COL5A1: variants seen among roughly 807,000 people sequenced by gnomAD.
COL5A1 encodes collagen alpha-1(V) chain.
A neutral mutation model predicts 263.7 loss-of-function variants in COL5A1; 16 were observed. The ratio of observed to expected loss-of-function variants is 0.06; its 90% confidence interval spans 0.04 to 0.09. The LOEUF is 0.09. COL5A1 is among the 10% of genes least tolerant of loss of function. COL5A1 has a pLI of 1.00. For missense variants in COL5A1, 2,036 were observed against 2,540.5 expected (o/e 0.80, Z 4.27); for synonymous variants, 1,012 against 1,004.5 (o/e 1.01, Z -0.14).
At chr9:134,675,296 A>T (rs750891193) in intron 1 of COL5A1, among the ~76,000 whole-genome samples, 1 of 152,204 alleles carries the variant, frequency 6.6e-6, no homozygotes, top group African/African-American at 2.4e-5. Context: ...AGAGGTGTCA[A>T]TTTAGACTCC....
intron 9 of COL5A1, among the ~76,000 whole-genome samples, chr9:134,736,575 C>T (rs1463345107): frequency 6.6e-6 from 1 of 152,236 alleles, no homozygotes; most frequent in East Asian, 1.9e-4. Flanking sequence ...TGGGGAGACA[C>T]ATTCAAACCC....
intron 4 of COL5A1, among the ~76,000 whole-genome samples, chr9:134,723,536 G>A (rs111951317): frequency 0.012 from 1,813 of 152,332 alleles, 30 homozygotes; most frequent in African/African-American, 0.038. Context: ...CTGTGGCTCT[G>A]CAGTTGGGAC....
intron 2 of COL5A1, among the ~76,000 whole-genome samples, chr9:134,694,667 G>A (rs1833398267): frequency 6.6e-6 from 1 of 152,218 alleles, no homozygotes; most frequent in Non-Finnish European, 1.5e-5. Flanking sequence ...CTGAGCCACG[G>A]TTGCTGACCG....
In COL5A1 at chr9:134,719,299, C is replaced by T. The variant is rs564036762; in HGVS notation, c.655-7967C>T. On this transcript the variant is annotated intron_variant, in intron 4 of 65. Transcript: ENST00000371817. ...ACATGCATGTATACTGTGCACACGA[C>T]GTAGGCATGTATGTCACGCACACAC... Among the ~76,000 whole-genome samples, 6 of 152,360 alleles carry T rather than the reference C, an allele frequency of 3.9e-5. No individual in the cohort carries two copies. The South Asian group carries it at 6.2e-4, about 16-fold the overall frequency.
intron 42 of COL5A1, among the ~76,000 whole-genome samples, chr9:134,806,597 C>T (rs1233196986): frequency 6.6e-6 from 1 of 152,162 alleles, no homozygotes; most frequent in African/African-American, 2.4e-5. Context: ...TGCTGGTGTT[C>T]CCCACATGCG....
At chr9:134,809,388 G>A (rs1406844841) in intron 43 of COL5A1, 98 bp downstream of exon 43, 2 of 970,660 alleles carry the variant, frequency 2.1e-6, no homozygotes, top group Non-Finnish European at 3.2e-6. Context: ...GGCAGGTAGA[G>A]CGGCTCAGCC....
chr9:134,823,963 CGTGT>C lies in COL5A1; in HGVS notation c.4698+502_4698+505del, dbSNP rs202138014. ...TATATTGTATACGTGCATGCATGGCCGTGTGTGTGTGCATATGTATATGTGTACA... is the reference window on the plus strand; with the variant it reads ...TATATTGTATACGTGCATGCATGGCCGTGTGTGCATATGTATATGTGTACA... On this transcript the variant is annotated intron_variant, in intron 61 of 65. Transcript: ENST00000371817. 4.1e-3 allele frequency among the ~76,000 whole-genome samples: 617 copies of C among 151,606 alleles called. 7 individuals are homozygous for C. The highest frequency in any genetic ancestry group is 0.014 in the African/African-American group (595 of 41,258).
rs978691444 is a variant in COL5A1, at chr9:134,818,096, A to G, written c.4230+265A>G. Among the ~76,000 whole-genome samples, 32 of 152,294 alleles carry G rather than the reference A, an allele frequency of 2.1e-4. No homozygotes were observed. The highest frequency in any genetic ancestry group is 7.7e-4 in the African/African-American group (32 of 41,576). ...GTGGGTGCGGGATTCAGGGAGCCCAAGGCTGAGTAGTTATGTCCCCCGGAG... is the reference window on the plus strand; with the variant it reads ...GTGGGTGCGGGATTCAGGGAGCCCAGGGCTGAGTAGTTATGTCCCCCGGAG... On this transcript the variant is annotated intron_variant, in intron 54 of 65. Transcript: ENST00000371817. This position sits in a 1 kb window ranked among gnomAD's most constrained non-coding sequence, Gnocchi z 6.0.
intron 4 of COL5A1, among the ~76,000 whole-genome samples, chr9:134,726,147 G>A (rs536960657): frequency 2.4e-4 from 37 of 152,346 alleles, no homozygotes; most frequent in African/African-American, 8.7e-4. Flanking sequence ...GGGGTCTAGG[G>A]CGGGTGAGAG....
chr9:134,791,454 A>G (rs1346584889), intron 32 of COL5A1, among the ~76,000 whole-genome samples: 1 of 152,124 alleles, frequency 6.6e-6, no homozygotes, highest in Non-Finnish European at 1.5e-5. Context: ...TCGTCACTGC[A>G]GAATGAAGCC....
chr9:134,760,512 A>G (rs1836341845), intron 18 of COL5A1, among the ~76,000 whole-genome samples: 1 of 100,898 alleles, frequency 9.9e-6, no homozygotes, highest in Non-Finnish European at 1.9e-5. Flanking sequence ...ACACACGCAT[A>G]CACACCCACA....
At chr9:134,837,081 T>A (rs1028971241) in intron 65 of COL5A1, among the ~76,000 whole-genome samples, 12 of 152,314 alleles carry the variant, frequency 7.9e-5, no homozygotes, top group Middle Eastern at 3.4e-3. Context: ...GAGCTCGGAA[T>A]CGTGTCTGAC....
chr9:134,816,126 A>G, intron 52 of COL5A1, 138 bp downstream of exon 52: 1 of 814,006 alleles, frequency 1.2e-6, no homozygotes, highest in African/African-American at 1.7e-5. Flanking sequence ...TTCCCTTATG[A>G]TATTGATTCC....
At chr9:134,784,117 A>G (rs780287168) in intron 29 of COL5A1, among the ~76,000 whole-genome samples, 5 of 151,370 alleles carry the variant, frequency 3.3e-5, no homozygotes, top group Non-Finnish European at 5.9e-5. Flanking sequence ...GGCACTTTGC[A>G]CCTTCTCGGT....
intron 63 of COL5A1, among the ~76,000 whole-genome samples, chr9:134,829,408 C>T (rs1256049145): frequency 4.1e-5 from 6 of 146,646 alleles, no homozygotes; most frequent in South Asian, 2.2e-4. Context: ...AGGCTCCTCA[C>T]GCAGCCTCCG....
rs116286492 is a variant in COL5A1, at chr9:134,724,843, A to G, written c.655-2423A>G. Among the ~76,000 whole-genome samples the G allele has an allele frequency of 9.1e-3, 1,385 of 151,990 alleles. 12 individuals carry two copies. Among genetic ancestry groups the G allele is most frequent in the Middle Eastern group, 0.02 (6 of 294 alleles). On this transcript the variant is annotated intron_variant, in intron 4 of 65. Transcript: ENST00000371817. ...GGAGGTGGTGCCTCTGCTTGGATGG[A>G]GTGAAGGTTCCGATGAACCAGGCTC...
chr9:134,769,023 G>C (rs376569003), intron 25 of COL5A1, among the ~76,000 whole-genome samples: 1 of 152,184 alleles, frequency 6.6e-6, no homozygotes, highest in Non-Finnish European at 1.5e-5. Flanking sequence ...GCGTGCGTGC[G>C]TGCACACGTG....
chr9:134,656,145 C>A (rs1332492140), intron 1 of COL5A1, among the ~76,000 whole-genome samples: 1 of 152,166 alleles, frequency 6.6e-6, no homozygotes, highest in African/African-American at 2.4e-5. Flanking sequence ...CCCCACCTTG[C>A]AGCTTCAGAT....
Position 134,841,254 on chromosome 9 carries a change from G to A in COL5A1, c.5371-903G>A, listed in dbSNP as rs895209706. On this transcript the variant is annotated intron_variant, in intron 65 of 65. Transcript: ENST00000371817. This position sits in a 1 kb window ranked among gnomAD's most constrained non-coding sequence, Gnocchi z 4.8. Reference sequence around the variant, plus strand: ...ATGCGTTTGCAGGCTCCTGGTTTGCGGGAAAGGTGCGGCCTCCAGGGCCCT... The same window carrying A: ...ATGCGTTTGCAGGCTCCTGGTTTGCAGGAAAGGTGCGGCCTCCAGGGCCCT... Among the ~76,000 whole-genome samples the A allele has an allele frequency of 2.0e-5, 3 of 152,228 alleles. No homozygotes were observed. The highest frequency in any genetic ancestry group is 2.1e-4 in the South Asian group (1 of 4,830).
Sources: gnomAD v4.1 joint callset for allele counts (sites outside exome capture counted in the v4.1 genomes callset) on GRCh38, gnomAD v4.1.1 for gene constraint, Gnocchi (gnomAD v3.1) non-coding constraint, MANE v1.5 for transcripts, NCBI Gene and HGNC (gene_info 2026-07-23, HGNC 2026-07-21) for gene names.